Variants in DMD observed in about 807,000 individuals in gnomAD.
DMD encodes the protein mutant dystrophin.
DMD carries 63 observed loss-of-function variants against 330.1 expected under a neutral mutation model. The observed-to-expected ratio is 0.19, with a 90% CI of 0.16 to 0.24. DMD has a LOEUF of 0.24. Among genes scored for constraint, DMD ranks in the 10% least tolerant of loss-of-function variants. The pLI is 1.00. For synonymous variants in DMD, 1,223 were observed against 959.8 expected (o/e 1.27, Z -5.07); for missense variants, 3,344 against 2,684.1 (o/e 1.25, Z -5.43).
At chrX:32,816,778 A>G (rs1351320430) in intron 5 of DMD, 138 bp from the exon 6 acceptor site, 1 of 572,730 alleles carries the variant, frequency 1.7e-6, no homozygotes, top group African/African-American at 2.3e-5. Context: ...AATAGATTCT[A>G]CCAGAAGTTA....
chrX:32,142,145 T>C (rs1433472170), intron 44 of DMD, among the ~76,000 whole-genome samples: 1 of 110,594 alleles, frequency 9.0e-6, no homozygotes, highest in Non-Finnish European at 1.9e-5. Context: ...TCTCCAGGAC[T>C]CTCCTTGGAG....
At chrX:32,434,943 C>T (rs890015476) in intron 29 of DMD, among the ~76,000 whole-genome samples, 1 of 110,435 alleles carries the variant, frequency 9.1e-6, no homozygotes, top group African/African-American at 3.3e-5. Flanking sequence ...TCAAATAACT[C>T]CCAGGTTATT....
chrX:32,815,052 C>T (rs948690202), intron 6 of DMD, among the ~76,000 whole-genome samples: 1 of 110,888 alleles, frequency 9.0e-6, no homozygotes, highest in African/African-American at 3.3e-5. Flanking sequence ...TTCTGTCATA[C>T]GAGAAACAAT....
chrX:32,329,158 T>C (rs1168497743), intron 41 of DMD, among the ~76,000 whole-genome samples: 4 of 112,619 alleles, frequency 3.6e-5, no homozygotes, highest in Non-Finnish European at 7.5e-5. Flanking sequence ...ATTCTAATGA[T>C]AGCAGACAAA....
intron 4 of DMD, among the ~76,000 whole-genome samples, chrX:32,832,065 C>T (rs1005243706): frequency 1.8e-5 from 2 of 110,807 alleles, no homozygotes; most frequent in African/African-American, 6.5e-5. Context: ...ATTGGTTCTC[C>T]CAGATCATTT....
At chrX:32,775,845 C>T (rs2074087528) in intron 7 of DMD, among the ~76,000 whole-genome samples, 1 of 112,952 alleles carries the variant, frequency 8.9e-6, no homozygotes, top group South Asian at 3.6e-4. Flanking sequence ...GACTTACTCC[C>T]TAGAAAATGG....
intron 9 of DMD, among the ~76,000 whole-genome samples, chrX:32,675,644 G>A (rs1196112979): frequency 9.0e-6 from 1 of 111,103 alleles, no homozygotes; most frequent in African/African-American, 3.3e-5. Context: ...TGTCATTTTA[G>A]CATACAGGTT....
intron 1 of DMD, among the ~76,000 whole-genome samples, chrX:33,199,981 G>T (rs1281369942): frequency 9.0e-6 from 1 of 111,335 alleles, no homozygotes; most frequent in Non-Finnish European, 1.9e-5. Context: ...AATAATGAAA[G>T]CATGCAATTA....
chrX:32,452,422 G>T (rs2098336457), intron 26 of DMD, among the ~76,000 whole-genome samples: 1 of 24,577 alleles, frequency 4.1e-5, no homozygotes, highest in African/African-American at 1.8e-4. Context: ...AAAGGGAAAG[G>T]GAAAGGGAAA....
chrX:32,856,809 C>T (rs1308064881), intron 2 of DMD, among the ~76,000 whole-genome samples: 2 of 111,898 alleles, frequency 1.8e-5, no homozygotes, highest in African/African-American at 6.5e-5. Flanking sequence ...GGCACGGTGG[C>T]TCACGCCTGT....
intron 1 of DMD, among the ~76,000 whole-genome samples, chrX:33,158,078 A>T (rs1006834647): frequency 4.4e-5 from 5 of 112,491 alleles, no homozygotes; most frequent in Non-Finnish European, 9.4e-5. Context: ...TAGCTCATTT[A>T]GATCAGGCAT....
intron 2 of DMD, among the ~76,000 whole-genome samples, chrX:32,985,828 T>C (rs748888744): frequency 2.1e-4 from 23 of 111,260 alleles, no homozygotes; most frequent in Non-Finnish European, 4.0e-4. Flanking sequence ...TTGAAACCTA[T>C]AAAGGTAAAA....
At chrX:33,101,334 G>A (rs939587937) in intron 1 of DMD, among the ~76,000 whole-genome samples, 1 of 112,186 alleles carries the variant, frequency 8.9e-6, no homozygotes, top group African/African-American at 3.2e-5. Context: ...GGGCATAAGA[G>A]AAACTACTTC....
intron 1 of DMD, among the ~76,000 whole-genome samples, chrX:33,320,453 T>G (rs371965019): frequency 8.9e-6 from 1 of 112,288 alleles, no homozygotes; most frequent in East Asian, 2.8e-4. Context: ...TTTACATTAT[T>G]TTGTAGCCTA....
intron 2 of DMD, among the ~76,000 whole-genome samples, chrX:32,850,031 G>A (rs755668916): frequency 4.4e-4 from 49 of 111,944 alleles, no homozygotes; most frequent in Non-Finnish European, 8.3e-4. Context: ...GAATTAGTTT[G>A]AATAGCAAGA....
intron 25 of DMD, 105 bp from the exon 26 acceptor site, chrX:32,454,937 A>G: frequency 1.0e-6 from 1 of 965,500 alleles, no homozygotes; most frequent in Middle Eastern, 2.7e-4. Context: ...GATAGTAATG[A>G]TAAAGAAGTA....
At chrX:31,947,225 A>T (rs1299651874) in intron 45 of DMD, among the ~76,000 whole-genome samples, 1 of 111,570 alleles carries the variant, frequency 9.0e-6, no homozygotes, top group African/African-American at 3.3e-5. Context: ...TCCTGGGCTC[A>T]AGAAATTCTC....
chrX:32,777,516 T>C (rs1452460199), intron 7 of DMD, among the ~76,000 whole-genome samples: 2 of 110,657 alleles, frequency 1.8e-5, no homozygotes, highest in East Asian at 5.7e-4. Flanking sequence ...ATTTCAGTCA[T>C]TGGGGAAAGT....
At chrX:32,887,346 C>CA (rs199616246) in intron 2 of DMD, among the ~76,000 whole-genome samples, 33,867 of 104,727 alleles carry the variant, frequency 0.32, 4,443 homozygotes, top group Middle Eastern at 0.36. Context: ...GAATCCATCT[C>CA]AAAAAAAATA....
Sources: allele counts gnomAD v4.1 joint callset (sites outside exome capture counted in the v4.1 genomes callset), GRCh38; gene constraint gnomAD v4.1.1; transcripts MANE v1.5; gene names NCBI Gene and HGNC (gene_info 2026-07-23, HGNC 2026-07-21).